Variants in TUBD1 observed in about 807,000 individuals in gnomAD.
TUBD1 encodes tubulin delta chain.
TUBD1 carries 38 observed loss-of-function variants against 51.2 expected under a neutral mutation model. The ratio of observed to expected loss-of-function variants is 0.74; its 90% CI spans 0.57 to 0.97. TUBD1 has a LOEUF of 0.97. Ranked by LOEUF, TUBD1 falls within the 50% of genes least tolerant of loss-of-function variation. TUBD1 has a pLI of 0.00. For synonymous variants in TUBD1, 169 were observed against 178.2 expected, an observed-to-expected ratio of 0.95 and a Z score of 0.41; for missense variants, 489 against 538.4, an observed-to-expected ratio of 0.91 and a Z score of 0.91.
At chr17:59,869,409 C>T (rs1366305783) in intron 6 of TUBD1, among the ~76,000 whole-genome samples, 2 of 147,660 alleles carry the variant, frequency 1.4e-5, no homozygotes, top group East Asian at 2.1e-4. Flanking sequence ...TGGGAGGCAG[C>T]GGTTGCAGTG....
At chr17:59,872,355 A>G (rs956528396) in intron 6 of TUBD1, among the ~76,000 whole-genome samples, 3 of 152,110 alleles carry the variant, frequency 2.0e-5, no homozygotes, top group Non-Finnish European at 2.9e-5. Flanking sequence ...TTAGCCTCCC[A>G]AAGTGCTGAG....
intron 7 of TUBD1, among the ~76,000 whole-genome samples, chr17:59,865,730 TA>T (rs1395900194): frequency 2.0e-5 from 3 of 152,192 alleles, no homozygotes; most frequent in African/African-American, 7.2e-5. Flanking sequence ...CCCTAAACTT[TA>T]ACTGAACTTG....
intron 3 of TUBD1, among the ~76,000 whole-genome samples, chr17:59,882,862 G>A (rs995970179): frequency 7.3e-5 from 11 of 151,464 alleles, no homozygotes; most frequent in Admixed American, 1.3e-4. Flanking sequence ...TCTACTCACT[G>A]CAACCTCTGC....
intron 3 of TUBD1, among the ~76,000 whole-genome samples, chr17:59,882,941 C>T (rs567384567): frequency 7.8e-4 from 119 of 151,838 alleles, no homozygotes; most frequent in Non-Finnish European, 1.5e-3. Context: ...CAGGCCGCCA[C>T]GCCCAGCTAA....
Position 59,880,985 on chromosome 17 carries a change from C to G in TUBD1, c.446G>C (p.Gly149Ala). The G allele has an allele frequency of 2.5e-6, 4 of 1,614,140 alleles. No individual in the cohort carries two copies. Among genetic ancestry groups the G allele is most frequent in the Non-Finnish European group, 3.4e-6 (4 of 1,180,026 alleles). Residue 149 changes from glycine (G) to alanine (A), a missense_variant, in exon 4 of 9, where the codon GGA becomes GCA. By Grantham distance (60) the Gly-to-Ala change is moderately conservative. Transcript: ENST00000325752. The part of the protein sequence containing the change: ...IMSMAGGTGS[G>A]LGAFVTQNLE... ...ATTCTGTGTAACGAAAGCTCCTAAT[C>G]CTGATCCTGTGCCCCCAGCCATACT...
At chr17:59,862,285 T>C (rs566098707) in intron 8 of TUBD1, among the ~76,000 whole-genome samples, 3 of 149,936 alleles carry the variant, frequency 2.0e-5, no homozygotes, top group African/African-American at 4.9e-5. Flanking sequence ...ATCATGCCAT[T>C]GCACTCCAGT....
intron 6 of TUBD1, among the ~76,000 whole-genome samples, chr17:59,872,061 C>T (rs1033366824): frequency 6.6e-6 from 1 of 152,152 alleles, no homozygotes; most frequent in African/African-American, 2.4e-5. Flanking sequence ...TCAAGCCACT[C>T]TCCTGCCTCA....
At chr17:59,863,051 T>C (rs76158029) in intron 8 of TUBD1, among the ~76,000 whole-genome samples, 10,293 of 152,136 alleles carry the variant, frequency 0.068, 1,104 homozygotes, top group African/African-American at 0.23. Context: ...AACTATCTTA[T>C]TGTCCCTGCT....
At chr17:59,862,543 T>C (rs867692974) in intron 8 of TUBD1, among the ~76,000 whole-genome samples, 1 of 151,626 alleles carries the variant, frequency 6.6e-6, no homozygotes, top group Non-Finnish European at 1.5e-5. Flanking sequence ...TTTAATTTAA[T>C]TTAATTTTTT....
rs1360365441 is a variant in TUBD1, at chr17:59,881,186, C to A, written c.321-76G>T. ...GATATGTAATTCAGAGAGAAAGATA[C>A]AGGATAGAGAGGTTTTTTCAAAACT... On this transcript the variant is annotated intron_variant, in intron 3 of 8. Transcript: ENST00000325752. 4 of 1,275,694 alleles carry A rather than the reference C, an allele frequency of 3.1e-6. No individual in the cohort carries two copies. In the African/African-American group the frequency reaches 5.9e-5, roughly 19 times the overall value. The allele number at this position is 1,275,694 out of a possible 1,614,324, so 79.0% of individuals were successfully genotyped here.
intron 1 of TUBD1, among the ~76,000 whole-genome samples, chr17:59,891,633 A>T (rs2041051120): frequency 6.6e-6 from 1 of 152,162 alleles, no homozygotes; most frequent in African/African-American, 2.4e-5. Context: ...TTTCCTAAAC[A>T]TATGTTTAAA....
chr17:59,883,135 G>A (rs1046130009), intron 3 of TUBD1, among the ~76,000 whole-genome samples: 3 of 151,688 alleles, frequency 2.0e-5, no homozygotes, highest in African/African-American at 7.3e-5. Flanking sequence ...TCACTCTGTT[G>A]CCCAAGCTGG....
chr17:59,885,598 C>T (rs2040686681), intron 3 of TUBD1: 1 of 1,014,028 alleles, frequency 9.9e-7, no homozygotes, highest in Admixed American at 1.9e-5. Context: ...AGGATTCCCT[C>T]ATTCCTAGAA....
intron 6 of TUBD1, 84 bp from the exon 7 acceptor site, chr17:59,866,833 GA>G: frequency 8.5e-7 from 1 of 1,181,140 alleles, no homozygotes; most frequent in Admixed American, 2.6e-5. Context: ...GCCCAGGCTG[GA>G]GTGCAGTGGC....
At chr17:59,861,839 T>C (rs2039461304) in intron 8 of TUBD1, among the ~76,000 whole-genome samples, 1 of 151,512 alleles carries the variant, frequency 6.6e-6, no homozygotes, top group Admixed American at 6.6e-5. Flanking sequence ...AGCTGTTTTT[T>C]GTGTTTTTAG....
intron 2 of TUBD1, among the ~76,000 whole-genome samples, chr17:59,889,601 G>A (rs1164809972): frequency 1.5e-4 from 23 of 149,558 alleles, no homozygotes; most frequent in African/African-American, 5.4e-4. Flanking sequence ...CCTGGTAGTC[G>A]GAGGTTGCAG....
chr17:59,866,756 A>G lies in TUBD1; in HGVS notation c.935-7T>C. ...CATACATGCCTATCAATACCTACCA[A>G]AAGAAAAAAAAAGCAAGAGGTTTTA... On this transcript the variant is annotated splice_polypyrimidine_tract_variant and splice_region_variant and intron_variant, in intron 6 of 8. Transcript: ENST00000325752. 1 of 1,582,680 alleles carries G rather than the reference A, an allele frequency of 6.3e-7. No individual in the cohort carries two copies. Among genetic ancestry groups the G allele is most frequent in the Non-Finnish European group, 8.5e-7 (1 of 1,171,112 alleles).
intron 2 of TUBD1, among the ~76,000 whole-genome samples, chr17:59,887,771 G>T (rs951175090): frequency 2.6e-5 from 4 of 151,858 alleles, no homozygotes; most frequent in African/African-American, 9.7e-5. Context: ...GGGACTTCAG[G>T]TGTGTGCCAT....
rs367921662 is a variant in TUBD1, at chr17:59,883,458, G to A, written c.321-2348C>T. On this transcript the variant is annotated intron_variant, in intron 3 of 8. Coordinates refer to ENST00000325752, the MANE Select transcript of TUBD1 (RefSeq NM_016261.4). ...TTTTTTCTATTTTTTAGTAGAAACA[G>A]GGTTTTACCATGTTGGCCAGGCTGG... 4.3e-4 allele frequency among the ~76,000 whole-genome samples: 65 copies of A among 152,148 alleles called. 1 individual carries two copies. Among genetic ancestry groups the A allele is most frequent in the African/African-American group, 1.6e-3 (65 of 41,490 alleles).
Sources: allele counts gnomAD v4.1 joint callset (sites outside exome capture counted in the v4.1 genomes callset), GRCh38; gene constraint gnomAD v4.1.1; transcripts MANE v1.5; gene names NCBI Gene and HGNC (gene_info 2026-07-23, HGNC 2026-07-21).